The following NRG3 variants were observed in gnomAD, a reference collection of about 807,000 sequenced individuals.
NRG3 encodes neuregulin 3.
NRG3 carries 31 observed loss-of-function variants against 66.9 expected under a neutral mutation model. The observed-to-expected ratio is 0.46, with a 90% confidence interval of 0.35 to 0.63. The LOEUF is 0.63. Ranked by LOEUF, NRG3 falls within the 20% of genes least tolerant of loss-of-function variation. The probability of loss-of-function intolerance (pLI) is 0.00; values close to 1 mark genes in which losing one functional copy is unlikely to be tolerated. For synonymous variants in NRG3, 393 were observed against 359.4 expected (o/e 1.09, Z -1.06); for missense variants, 910 against 878.9 (o/e 1.04, Z -0.45).
intron 2 of NRG3, among the ~76,000 whole-genome samples, chr10:82,524,214 G>A (rs1846468985): frequency 6.6e-6 from 1 of 151,926 alleles, no homozygotes; most frequent in Admixed American, 6.6e-5. Context: ...CCATCTAATA[G>A]CAATTTCAGA....
chr10:82,601,618 G>A (rs1266114795), intron 2 of NRG3, among the ~76,000 whole-genome samples: 2 of 150,158 alleles, frequency 1.3e-5, no homozygotes, highest in African/African-American at 2.5e-5. Context: ...TTGGACATTT[G>A]GATGTATCTG....
chr10:82,791,473 C>T (rs925003939), intron 3 of NRG3, among the ~76,000 whole-genome samples: 1 of 150,634 alleles, frequency 6.6e-6, no homozygotes, highest in Non-Finnish European at 1.5e-5. Context: ...TCTTCCTTTG[C>T]CAAATATTCA....
chr10:82,093,721 T>G (rs2066166250), intron 1 of NRG3, among the ~76,000 whole-genome samples: 2 of 152,312 alleles, frequency 1.3e-5, no homozygotes, highest in Admixed American at 1.3e-4. Flanking sequence ...TCTCTAAGCT[T>G]TAGGCTTTAT....
intron 1 of NRG3, among the ~76,000 whole-genome samples, chr10:82,183,682 T>C (rs2073594964): frequency 6.6e-6 from 1 of 152,022 alleles, no homozygotes; most frequent in Admixed American, 6.6e-5. Flanking sequence ...TCAGAGGTAT[T>C]TGGCAATGTC....
intron 2 of NRG3, among the ~76,000 whole-genome samples, chr10:82,545,480 G>T (rs866503785): frequency 4.0e-5 from 6 of 149,466 alleles, no homozygotes; most frequent in African/African-American, 9.9e-5. Flanking sequence ...CCGGGTTCAC[G>T]CCATTCTCCG....
chr10:82,177,254 G>A (rs553310288), intron 1 of NRG3, among the ~76,000 whole-genome samples: 2 of 151,934 alleles, frequency 1.3e-5, no homozygotes, highest in South Asian at 4.1e-4. Flanking sequence ...CTGATTGTGT[G>A]TTTTTTAATC....
At chr10:82,964,355 G>T (rs1850990442) in intron 6 of NRG3, among the ~76,000 whole-genome samples, 1 of 152,154 alleles carries the variant, frequency 6.6e-6, no homozygotes, top group South Asian at 2.1e-4. Context: ...ATCAGACCAA[G>T]AATAGCTCAG....
intron 2 of NRG3, among the ~76,000 whole-genome samples, chr10:82,504,281 C>A (rs1423432194): frequency 6.6e-6 from 1 of 152,160 alleles, no homozygotes; most frequent in Middle Eastern, 3.2e-3. Context: ...AGAGCCATAC[C>A]AGAATCTTTC....
At chr10:81,976,240 G>GC (rs1831602908) in intron 1 of NRG3, among the ~76,000 whole-genome samples, 2 of 152,168 alleles carry the variant, frequency 1.3e-5, no homozygotes, top group South Asian at 2.1e-4. Flanking sequence ...AAAGAAAGTG[G>GC]CCCCCAAAAG....
At chr10:82,868,979 A>C (rs1447236142) in intron 4 of NRG3, among the ~76,000 whole-genome samples, 2 of 152,202 alleles carry the variant, frequency 1.3e-5, no homozygotes, top group Non-Finnish European at 2.9e-5. Flanking sequence ...GACGTGAGCC[A>C]CCACACCCGG....
rs368195468 is a variant in NRG3, at chr10:82,869,247, T to C, written c.1054+3810T>C. On this transcript the variant is annotated intron_variant, in intron 4 of 8. Transcript: ENST00000372141. ...ACACAGTTTTAAGTTCATAGCAAAATTGAGTGCAAATTACAGAGATTTCTC... is the reference window on the plus strand; with the variant it reads ...ACACAGTTTTAAGTTCATAGCAAAACTGAGTGCAAATTACAGAGATTTCTC... 1.5e-4 allele frequency among the ~76,000 whole-genome samples: 23 copies of C among 152,290 alleles called. No homozygotes were observed. In the East Asian group the frequency reaches 2.7e-3, roughly 18 times the overall value.
chr10:82,040,246 A>G (rs1345763876), intron 1 of NRG3, among the ~76,000 whole-genome samples: 6 of 152,080 alleles, frequency 3.9e-5, no homozygotes, highest in Admixed American at 2.6e-4. Context: ...TACAAATCCA[A>G]TGGAGGAACT....
intron 2 of NRG3, among the ~76,000 whole-genome samples, chr10:82,608,842 A>G (rs1270300123): frequency 6.6e-6 from 1 of 152,048 alleles, no homozygotes; most frequent in East Asian, 1.9e-4. Flanking sequence ...ACTCACACAC[A>G]CAATTAGAAG....
At chr10:82,265,317 G>A (rs147309766) in intron 1 of NRG3, among the ~76,000 whole-genome samples, 1 of 152,260 alleles carries the variant, frequency 6.6e-6, no homozygotes, top group Non-Finnish European at 1.5e-5. Flanking sequence ...GAAGTGTGGG[G>A]ATGTTCAACT....
intron 2 of NRG3, among the ~76,000 whole-genome samples, chr10:82,501,775 A>G (rs1057330694): frequency 6.6e-6 from 1 of 152,172 alleles, no homozygotes; most frequent in Non-Finnish European, 1.5e-5. Flanking sequence ...CAAAAATGGG[A>G]CTTTTTAGTT....
At chr10:82,720,805 T>TTATATATATA (rs1363560030) in intron 2 of NRG3, among the ~76,000 whole-genome samples, 29 of 63,478 alleles carry the variant, frequency 4.6e-4, no homozygotes, top group South Asian at 4.0e-3. Context: ...TAGGAGTATT[T>TTATATATATA]TATACATATA....
intron 2 of NRG3, among the ~76,000 whole-genome samples, chr10:82,395,805 G>C (rs1205848466): frequency 2.0e-5 from 3 of 152,092 alleles, no homozygotes; most frequent in African/African-American, 7.2e-5. Context: ...AGCTGAGTCA[G>C]TGCAATGTGA....
chr10:82,569,815 A>G (rs763091710), intron 2 of NRG3, among the ~76,000 whole-genome samples: 6 of 151,666 alleles, frequency 4.0e-5, no homozygotes, highest in Non-Finnish European at 8.9e-5. Context: ...GATCTCTCAT[A>G]TGAGTGATAA....
At chr10:82,944,207 C>G (rs1848808316) in intron 4 of NRG3, among the ~76,000 whole-genome samples, 1 of 151,882 alleles carries the variant, frequency 6.6e-6, no homozygotes, top group Non-Finnish European at 1.5e-5. Context: ...TTGCATGTCC[C>G]CAGGCTACAT....
Sources: allele counts gnomAD v4.1 joint callset (sites outside exome capture counted in the v4.1 genomes callset), GRCh38; gene constraint gnomAD v4.1.1; transcripts MANE v1.5; gene names NCBI Gene and HGNC (gene_info 2026-07-23, HGNC 2026-07-21).